The following ARMC8 variants were observed in gnomAD, a reference collection of about 807,000 sequenced individuals.
The protein encoded by ARMC8 is armadillo repeat containing 8.
ARMC8 carries 20 observed loss-of-function variants against 99.3 expected under a neutral mutation model. That is an observed-to-expected ratio of 0.20 (90% confidence interval 0.14 to 0.29). The LOEUF is 0.29. Among genes scored for constraint, ARMC8 ranks in the 10% least tolerant of loss-of-function variants. The probability of loss-of-function intolerance (pLI) is 1.00; values close to 1 mark genes in which losing one functional copy is unlikely to be tolerated. For synonymous variants in ARMC8, 263 were observed against 278.3 expected, an observed-to-expected ratio of 0.95 and a Z score of 0.55; for missense variants, 569 against 809.5, an observed-to-expected ratio of 0.70 and a Z score of 3.60.
intron 19 of ARMC8, 148 bp downstream of exon 19, chr3:138,284,674 G>A: frequency 1.6e-6 from 1 of 609,342 alleles, no homozygotes; most frequent in Non-Finnish European, 2.8e-6. Flanking sequence ...CTTCCATCCT[G>A]AAGAAAAAGA....
Position 138,235,102 on chromosome 3 carries a change from A to G in ARMC8, c.597A>G (p.Ser199=). 1.2e-6 allele frequency: 2 copies of G among 1,612,072 alleles called. No homozygotes were observed. The highest frequency in any genetic ancestry group is 1.7e-6 in the Non-Finnish European group (2 of 1,178,296). The change falls in exon 7 of 22, where the codon TCA becomes TCG. Residue 199 remains serine, a synonymous_variant. Transcript: ENST00000469044. ...AGAATATTGCTCACCTACTAACCTCACTGTCCTACAAAGTAAGATGTTAAA... is the reference window on the plus strand; with the variant it reads ...AGAATATTGCTCACCTACTAACCTCGCTGTCCTACAAAGTAAGATGTTAAA... ...AVQNIAHLLT[S]LSYKVRMQAL... is the part of the protein sequence containing the mutation.
At chr3:138,253,619 T>G (rs1245137330) in intron 12 of ARMC8, among the ~76,000 whole-genome samples, 1 of 152,234 alleles carries the variant, frequency 6.6e-6, no homozygotes, top group Non-Finnish European at 1.5e-5. Context: ...CCTAGCTGTT[T>G]ACAAAGCATT....
intron 2 of ARMC8, among the ~76,000 whole-genome samples, chr3:138,213,533 A>G (rs2044827335): frequency 6.6e-6 from 1 of 152,208 alleles, no homozygotes; most frequent in Non-Finnish European, 1.5e-5. Flanking sequence ...ACGAGCTGAA[A>G]GAAGAGGGAA....
chr3:138,198,236 C>T (rs2043849243), intron 1 of ARMC8, among the ~76,000 whole-genome samples: 1 of 152,006 alleles, frequency 6.6e-6, no homozygotes, highest in African/African-American at 2.4e-5. Context: ...TCTTCATATC[C>T]CTTTTAATCT....
rs531867405 is a variant in ARMC8 at position 138,222,126 on chromosome 3, ATAAATG to A, written c.194+133_194+138del. The A allele has an allele frequency of 2.7e-3, 1,841 of 679,580 alleles. 1 individual carries two copies. Among genetic ancestry groups the A allele is most frequent in the Non-Finnish European group, 3.6e-3 (1,468 of 410,668 alleles). The allele number at this position is 679,580 out of a possible 1,614,324, so 42.1% of individuals were successfully genotyped here. A position where few individuals can be genotyped will look rare whatever the true frequency, so the allele number is the denominator to read the frequency against. ...CTTAAAATAAATCCTATTTTTAAAA[ATAAATG>A]TAAGTATTTAAACTATCTTTAAGGA... is the stretch of plus-strand genomic sequence containing the variant. On this transcript the variant is annotated intron_variant, in intron 3 of 21. Coordinates refer to ENST00000469044, the MANE Select transcript of ARMC8 (RefSeq NM_001363941.2).
intron 14 of ARMC8, among the ~76,000 whole-genome samples, chr3:138,265,892 C>A (rs112383568): frequency 1.3e-5 from 2 of 152,058 alleles, no homozygotes; most frequent in Non-Finnish European, 2.9e-5. Flanking sequence ...TGGAATAAAG[C>A]AGTAGGAGTG....
intron 1 of ARMC8, among the ~76,000 whole-genome samples, chr3:138,207,588 A>G (rs1486013262): frequency 6.6e-6 from 1 of 152,206 alleles, no homozygotes; most frequent in Non-Finnish European, 1.5e-5. Context: ...AGAACTTACT[A>G]TGTCAGAAAA....
chr3:138,233,364 G>A (rs2046159747), intron 6 of ARMC8, among the ~76,000 whole-genome samples: 2 of 152,136 alleles, frequency 1.3e-5, no homozygotes, highest in Non-Finnish European at 2.9e-5. Context: ...TTTACTCTGG[G>A]AATTTATCCT....
At chr3:138,235,511 T>A (rs2046285332) in intron 7 of ARMC8, among the ~76,000 whole-genome samples, 1 of 152,232 alleles carries the variant, frequency 6.6e-6, no homozygotes, top group South Asian at 2.1e-4. Flanking sequence ...ACATCAGCAT[T>A]TAAAATGTGT....
intron 12 of ARMC8, chr3:138,262,582 C>G (rs1239911411): frequency 6.2e-7 from 1 of 1,607,756 alleles, no homozygotes; most frequent in African/African-American, 1.4e-5. Flanking sequence ...GTGTACTGGA[C>G]TCACCTGAGG....
rs192088707 is a variant in ARMC8 at position 138,235,272 on chromosome 3, T to C, written c.609+158T>C. On this transcript the variant is annotated intron_variant, in intron 7 of 21. Transcript: ENST00000469044. ...ATCATTTTAGCTATAGAATGCTCTTTAAAAAAAAAAAAAAAGCTGCCCTTG... is the reference window on the plus strand; with the variant it reads ...ATCATTTTAGCTATAGAATGCTCTTCAAAAAAAAAAAAAAAGCTGCCCTTG... Among the ~76,000 whole-genome samples, 888 of 139,500 alleles carry C rather than the reference T, an allele frequency of 6.4e-3. 5 individuals are homozygous for C. Among genetic ancestry groups the C allele is most frequent in the Non-Finnish European group, 0.011 (683 of 63,596 alleles). 91.5% of individuals were successfully genotyped at this position (139,500 alleles called of 152,430 possible). A position where few individuals can be genotyped will look rare whatever the true frequency, so the allele number is the denominator to read the frequency against.
rs776320900 is a variant in ARMC8, at chr3:138,271,798, C to CTTTTTTTTTTTTTTTTT, written c.1480-1154_1480-1153insTTTTTTTTTTTTTTTTT. ...AGTTCACAAGATTTTTTTTTTCTTT[C>CTTTTTTTTTTTTTTTTT]TTTTTTTTTTTTTTTGATACAGAGT... On this transcript the variant is annotated intron_variant, in intron 16 of 21. Transcript: ENST00000469044. Among the ~76,000 whole-genome samples the CTTTTTTTTTTTTTTTTT allele has an allele frequency of 3.1e-4, 42 of 136,126 alleles. 1 individual carries two copies. Among genetic ancestry groups the CTTTTTTTTTTTTTTTTT allele is most frequent in the African/African-American group, 1.2e-3 (42 of 35,282 alleles). The allele number at this position is 136,126 out of a possible 152,430, so 89.3% of individuals were successfully genotyped here.
At chr3:138,249,892 A>G (rs1195887579) in intron 12 of ARMC8, among the ~76,000 whole-genome samples, 1 of 152,232 alleles carries the variant, frequency 6.6e-6, no homozygotes, top group African/African-American at 2.4e-5. Flanking sequence ...ACCCATTAAA[A>G]TGGACATGTT....
rs943078098 is a variant in ARMC8, at chr3:138,247,806, G to A, written c.1134+2623G>A. On this transcript the variant is annotated intron_variant, in intron 12 of 21. Coordinates refer to ENST00000469044, the MANE Select transcript of ARMC8 (RefSeq NM_001363941.2). ...TTAAGCTGAAGATGGAATGTGACTT[G>A]TAGATCAGAGATTTACCACCCCTGC... Among the ~76,000 whole-genome samples the A allele has an allele frequency of 2.6e-5, 4 of 152,196 alleles. No homozygotes were observed. The East Asian group carries it at 7.7e-4, about 29-fold the overall frequency.
In ARMC8 at chr3:138,264,221, A is replaced by G; in HGVS notation, c.1299+9A>G. The G allele has an allele frequency of 6.2e-7, 1 of 1,612,788 alleles. No individual in the cohort carries two copies. The highest frequency in any genetic ancestry group is 1.1e-5 in the South Asian group (1 of 91,046). ...GGAAACCTTTAATGAAGGTAAGAAG[A>G]AAGGGTCAGCCAGTAACAGCTGTAC... On this transcript the variant is annotated intron_variant, in intron 14 of 21. Transcript: ENST00000469044.
chr3:138,289,108 A>C lies in ARMC8; in HGVS notation c.1882A>C (p.Asn628His). The change falls in exon 20 of 22, where the codon AAT becomes CAT. Residue 628 changes from asparagine (N) to histidine (H), a missense_variant. By Grantham distance (68) the Asn-to-His change is moderately conservative. Coordinates refer to ENST00000469044, the MANE Select transcript of ARMC8 (RefSeq NM_001363941.2). Reference sequence around the variant, plus strand: ...GTTTTGTATATCAAACCTCATATGGAATGAAGAGGAAGGTAAGAGATTGGT... The same window carrying C: ...GTTTTGTATATCAAACCTCATATGGCATGAAGAGGAAGGTAAGAGATTGGT... The part of the protein sequence containing the change: ...AMFCISNLIW[N>H]EEEGSQERQD... The C allele has an allele frequency of 6.2e-7, 1 of 1,612,696 alleles. No homozygotes were observed. The highest frequency in any genetic ancestry group is 1.1e-5 in the South Asian group (1 of 90,876).
Position 138,268,456 on chromosome 3 carries a change from C to G in ARMC8, c.1386+1215C>G, listed in dbSNP as rs559042627. ...AGCTGGTGTACCACCGTTAATCATC[C>G]TTAACTGCTCTTATATTGCTCCAGA... On this transcript the variant is annotated intron_variant, in intron 15 of 21. Transcript: ENST00000469044. Among the ~76,000 whole-genome samples the G allele has an allele frequency of 2.0e-5, 3 of 152,226 alleles. No individual in the cohort carries two copies. In the East Asian group the frequency reaches 5.8e-4, roughly 29 times the overall value.
At chr3:138,274,745 G>A (rs1317092498) in intron 18 of ARMC8, among the ~76,000 whole-genome samples, 3 of 152,094 alleles carry the variant, frequency 2.0e-5, no homozygotes, top group Non-Finnish European at 4.4e-5. Context: ...CATGACCAGC[G>A]TCTACAGTTT....
intron 2 of ARMC8, among the ~76,000 whole-genome samples, chr3:138,219,687 C>G (rs2108067877): frequency 6.6e-6 from 1 of 152,038 alleles, no homozygotes; most frequent in East Asian, 1.9e-4. Context: ...TCTTTTTTTC[C>G]TTATCTAGCA....
Sources: gnomAD v4.1 joint callset for allele counts (sites outside exome capture counted in the v4.1 genomes callset) on GRCh38, gnomAD v4.1.1 for gene constraint, MANE v1.5 for transcripts, NCBI Gene and HGNC (gene_info 2026-07-23, HGNC 2026-07-21) for gene names.